CD7: variants seen among roughly 807,000 people sequenced by gnomAD.
CD7 encodes the protein CD7 molecule.
Under a neutral mutation model 17.6 loss-of-function variants are expected in CD7, and 19 were observed. The ratio of observed to expected loss-of-function variants is 1.08; its 90% CI spans 0.75 to 1.58. CD7 has a LOEUF of 1.58. Ranked by LOEUF, CD7 falls within the 40% of genes most tolerant of loss-of-function variation. The pLI is 0.00. For missense variants in CD7, 291 were observed against 327.1 expected, an observed-to-expected ratio of 0.89 and a Z score of 0.85; for synonymous variants, 160 against 159.8, an observed-to-expected ratio of 1.00 and a Z score of -0.01.
Position 82,317,413 on chromosome 17 carries a change from C to T in CD7, c.82+1G>A. 6.4e-7 allele frequency: 1 copy of T among 1,554,966 alleles called. No homozygotes were observed. The highest frequency in any genetic ancestry group is 8.7e-7 in the Non-Finnish European group (1 of 1,151,252). The stretch of plus-strand genomic sequence containing the variant: ...CCATGGAGAGCCTGGGAAGCTCTTA[C>T]CTTGGGCAGCCAGGGCCCCAGGCAG... On this transcript the variant is annotated splice_donor_variant, in intron 1 of 3. Coordinates refer to ENST00000312648, the MANE Select transcript of CD7 (RefSeq NM_006137.7). LOFTEE classifies it high-confidence loss of function.
At chr17:82,315,661 C>G (rs1315417672) in intron 3 of CD7, 5 of 558,154 alleles carry the variant, frequency 9.0e-6, no homozygotes, top group African/African-American at 3.8e-5. Context: ...TGGACCCCCC[C>G]ACCAAGCCCA....
chr17:82,317,606 G>A lies in CD7; in HGVS notation c.-111C>T. On this transcript the variant is annotated 5_prime_UTR_variant, in exon 1 of 4. Coordinates refer to ENST00000312648, the MANE Select transcript of CD7 (RefSeq NM_006137.7). Reference sequence around the variant, plus strand: ...AGACCGCAGGCGCTCAGAGCTCAGAGAGGGCTTCCTGGAGGCGGTGCCTCA... The same window carrying A: ...AGACCGCAGGCGCTCAGAGCTCAGAAAGGGCTTCCTGGAGGCGGTGCCTCA... 9.7e-7 allele frequency: 1 copy of A among 1,032,830 alleles called. No individual in the cohort carries two copies. Among genetic ancestry groups the A allele is most frequent in the Non-Finnish European group, 1.4e-6 (1 of 730,352 alleles). The allele number at this position is 1,032,830 out of a possible 1,614,324, so 64.0% of individuals were successfully genotyped here.
chr17:82,317,271 A>G, intron 1 of CD7, 143 bp downstream of exon 1: 1 of 841,630 alleles, frequency 1.2e-6, no homozygotes, highest in Non-Finnish European at 1.8e-6. Context: ...TCCTTCTCTT[A>G]AATGAGTCCT....
At position 82,316,352 on chromosome 17, in the gene CD7, A is replaced by G. The variant is rs754441996; in HGVS notation, c.455T>C (p.Leu152Pro). The change falls in exon 3 of 4, where the codon CTC becomes CCC. Residue 152 changes from leucine to proline, a missense_variant. Transcript: ENST00000312648. The stretch of plus-strand genomic sequence containing the variant: ...GGCGGAGCCTGTCGGTGGGGCAGGG[A>G]GGGCAGAGGCCCTTGGTGGGGCGTC... ...CSDAPPRASALPAPPTGSALP... is the reference protein window; with the variant it reads ...CSDAPPRASAPPAPPTGSALP... 1.5e-5 allele frequency: 24 copies of G among 1,593,674 alleles called. No homozygotes were observed. In the South Asian group the frequency reaches 2.0e-4, roughly 14 times the overall value.
chr17:82,317,502 C>T lies in CD7; in HGVS notation c.-7G>A, dbSNP rs2052029118. ...GCCTCGGAGGCCCGGCCATGTTCCC[C>T]ACACCCAGCTCTCCCAGCCGGGCGA... is the stretch of plus-strand genomic sequence containing the variant. On this transcript the variant is annotated 5_prime_UTR_variant, in exon 1 of 4. Coordinates refer to ENST00000312648, the MANE Select transcript of CD7 (RefSeq NM_006137.7). 3 of 1,561,940 alleles carry T rather than the reference C, an allele frequency of 1.9e-6. No individual in the cohort carries two copies. The highest frequency in any genetic ancestry group is 1.2e-5 in the South Asian group (1 of 84,966).
At chr17:82,316,094 G>A (rs1020942578) in intron 3 of CD7, 101 bp downstream of exon 3, 77 of 1,223,070 alleles carry the variant, frequency 6.3e-5, no homozygotes, top group Non-Finnish European at 8.7e-5. Context: ...AGGAGGCGGC[G>A]GGTACCAGGG....
intron 1 of CD7, 163 bp downstream of exon 1, chr17:82,317,251 C>A: frequency 1.3e-6 from 1 of 752,516 alleles, no homozygotes. Flanking sequence ...CCACCGGGGT[C>A]CACCCTTTTT....
chr17:82,314,926 C>T lies in CD7; in HGVS notation c.*395G>A, dbSNP rs2051993444. 1 of 229,316 alleles carries T rather than the reference C, an allele frequency of 4.4e-6. No homozygotes were observed. The allele number at this position is 229,316 out of a possible 1,614,324, so 14.2% of individuals were successfully genotyped here. ...CGGCTGGGTGGGGGACTGGTCTCCT[C>T]CCGTCCTCTGCCGGGCTGCCTGGGG... On this transcript the variant is annotated 3_prime_UTR_variant, in exon 4 of 4. Transcript: ENST00000312648. The surrounding 1 kb of genome is among the most constrained non-coding windows in gnomAD (Gnocchi z 6.0).
intron 3 of CD7, 134 bp downstream of exon 3, chr17:82,316,061 C>T: frequency 1.0e-6 from 1 of 992,222 alleles, no homozygotes; most frequent in Non-Finnish European, 1.6e-6. Context: ...CCACTTCCAC[C>T]CTGAGAGTTC....
chr17:82,315,515 A>G, intron 3 of CD7, 84 bp from the exon 4 acceptor site: 5 of 1,062,934 alleles, frequency 4.7e-6, no homozygotes, highest in Non-Finnish European at 7.1e-6. Flanking sequence ...TTCTAATTTT[A>G]ACACGAGACC....
chr17:82,315,838 G>A, intron 3 of CD7: 1 of 592,652 alleles, frequency 1.7e-6, no homozygotes, highest in Non-Finnish European at 3.0e-6. Flanking sequence ...CCCACACACA[G>A]GCTCACACCT....
At chr17:82,315,750 G>T in intron 3 of CD7, 1 of 551,462 alleles carries the variant, frequency 1.8e-6, no homozygotes, top group Non-Finnish European at 3.3e-6. Flanking sequence ...CTCTGTGTCT[G>T]TCTGAGGCCC....
In CD7 at chr17:82,316,654, G is replaced by C. The variant is rs1457898364; in HGVS notation, c.397+13C>G. 3 of 1,606,422 alleles carry C rather than the reference G, an allele frequency of 1.9e-6. No homozygotes were observed. In the African/African-American group the frequency reaches 4.0e-5, roughly 21 times the overall value. On this transcript the variant is annotated intron_variant, in intron 2 of 3. Coordinates refer to ENST00000312648, the MANE Select transcript of CD7 (RefSeq NM_006137.7). ...GGGTTGGGAGGGGGGTCTGGGATGGGCACATTCCCTACCTGTCACCAGGAC... is the reference window on the plus strand; with the variant it reads ...GGGTTGGGAGGGGGGTCTGGGATGGCCACATTCCCTACCTGTCACCAGGAC...
chr17:82,317,486 G>C lies in CD7; in HGVS notation c.10C>G (p.Pro4Ala). The change falls in exon 1 of 4, where the codon CCT (proline) becomes GCT (alanine). Residue 4 changes from proline (P) to alanine (A), a missense_variant. Physicochemically the swap from Pro to Ala is conservative, Grantham distance 27. Coordinates refer to ENST00000312648, the MANE Select transcript of CD7 (RefSeq NM_006137.7). MAGPPRLLLLPLLL... is the reference protein window; with the variant it reads MAGAPRLLLLPLLL... ...AGGGGCAGCAGCAGGAGCCTCGGAG[G>C]CCCGGCCATGTTCCCCACACCCAGC... 1 of 1,567,222 alleles carries C rather than the reference G, an allele frequency of 6.4e-7. No individual in the cohort carries two copies.
Position 82,317,518 on chromosome 17 carries a change from A to G in CD7, c.-23T>C. On this transcript the variant is annotated 5_prime_UTR_variant, in exon 1 of 4. Transcript: ENST00000312648. ...CATGTTCCCCACACCCAGCTCTCCC[A>G]GCCGGGCGAGTGCAGCTGAGCCTCT... 1.3e-6 allele frequency: 2 copies of G among 1,546,216 alleles called. No individual in the cohort carries two copies. Among genetic ancestry groups the G allele is most frequent in the Non-Finnish European group, 1.7e-6 (2 of 1,144,882 alleles).
chr17:82,314,981 A>C lies in CD7; in HGVS notation c.*340T>G. 1 of 274,204 alleles carries C rather than the reference A, an allele frequency of 3.6e-6. No homozygotes were observed. Among genetic ancestry groups the C allele is most frequent in the Non-Finnish European group, 7.4e-6 (1 of 135,468 alleles). The allele number at this position is 274,204 out of a possible 1,614,324, so 17.0% of individuals were successfully genotyped here. ...GGGGCCTGCTGGTGGGTGGGCCGGC[A>C]CTGACAGGAGAGGGCCGCGTGCCCA... is the stretch of plus-strand genomic sequence containing the variant. On this transcript the variant is annotated 3_prime_UTR_variant, in exon 4 of 4. Transcript: ENST00000312648. The surrounding 1 kb of genome is among the most constrained non-coding windows in gnomAD (Gnocchi z 6.0).
At chr17:82,317,154 T>C (rs2052025261) in intron 1 of CD7, 173 bp from the exon 2 acceptor site, 1 of 676,460 alleles carries the variant, frequency 1.5e-6, no homozygotes, top group South Asian at 1.9e-5. Flanking sequence ...GGCTGTGGTG[T>C]TGGGGGAGGT....
intron 3 of CD7, 78 bp downstream of exon 3, chr17:82,316,117 G>T: frequency 7.0e-7 from 1 of 1,432,558 alleles, no homozygotes; most frequent in Non-Finnish European, 9.6e-7. Context: ...TTCCTCTGGG[G>T]CTTTGGCGCC....
chr17:82,316,093 C>T (rs1467206140), intron 3 of CD7, 102 bp downstream of exon 3: 65 of 1,219,258 alleles, frequency 5.3e-5, no homozygotes, highest in Non-Finnish European at 6.7e-5. Context: ...GAGGAGGCGG[C>T]GGGTACCAGG....
Sources: allele counts gnomAD v4.1 joint callset, GRCh38; gene constraint gnomAD v4.1.1; non-coding constraint Gnocchi (gnomAD v3.1); transcripts MANE v1.5; gene names NCBI Gene and HGNC (gene_info 2026-07-23, HGNC 2026-07-21).